GALNT13: variants seen among roughly 807,000 people sequenced by gnomAD.
GALNT13 encodes the protein UDP-GalNAc:polypeptide N-acetylgalactosaminyltransferase 13.
In GALNT13, 28 loss-of-function variants were observed where a neutral mutation model predicts 64.2. That is an observed-to-expected ratio of 0.44 (90% confidence interval 0.32 to 0.60). GALNT13 has a LOEUF of 0.60. Ranked by LOEUF, GALNT13 falls within the 20% of genes least tolerant of loss-of-function variation. The probability of loss-of-function intolerance (pLI) is 0.05; values close to 1 mark genes in which losing one functional copy is unlikely to be tolerated. For missense variants in GALNT13, 577 were observed against 669.8 expected (o/e 0.86, Z 1.53); for synonymous variants, 214 against 224.6 (o/e 0.95, Z 0.42).
At chr2:154,160,751 G>A (rs1408700330) in intron 4 of GALNT13, among the ~76,000 whole-genome samples, 1 of 152,156 alleles carries the variant, frequency 6.6e-6, no homozygotes, top group Non-Finnish European at 1.5e-5. Context: ...TAAGAGATAA[G>A]AAGCACACTT....
intron 9 of GALNT13, among the ~76,000 whole-genome samples, chr2:154,350,141 C>A (rs1696311244): frequency 6.6e-6 from 1 of 152,178 alleles, no homozygotes; most frequent in Non-Finnish European, 1.5e-5. Flanking sequence ...CCATTAACTC[C>A]TGTGATGGTT....
intron 3 of GALNT13, among the ~76,000 whole-genome samples, chr2:154,010,331 C>T (rs533849518): frequency 7.9e-5 from 12 of 152,156 alleles, no homozygotes; most frequent in Non-Finnish European, 1.5e-4. Context: ...AAACCGTTTC[C>T]GTGTCTATTG....
At chr2:153,263,301 C>T in the GALNT13 span, among the ~76,000 whole-genome samples, 110 of 152,158 alleles carry the variant, frequency 7.2e-4, no homozygotes, top group African/African-American at 2.5e-3. Flanking sequence ...AGAGAAAACA[C>T]AAACAAATGG....
the GALNT13 span, among the ~76,000 whole-genome samples, chr2:153,610,919 C>A: frequency 6.6e-6 from 1 of 151,900 alleles, no homozygotes; most frequent in Non-Finnish European, 1.5e-5. Context: ...TAAAGTCCAA[C>A]TAATAATTTC....
chr2:154,030,176 G>C (rs1698249466), intron 3 of GALNT13, among the ~76,000 whole-genome samples: 1 of 151,884 alleles, frequency 6.6e-6, no homozygotes, highest in Non-Finnish European at 1.5e-5. Flanking sequence ...AAATCAATGA[G>C]AGACACCAAA....
At chr2:153,672,130 T>C in the GALNT13 span, among the ~76,000 whole-genome samples, 3 of 152,230 alleles carry the variant, frequency 2.0e-5, no homozygotes, top group South Asian at 6.2e-4. Flanking sequence ...ACTGTCAATA[T>C]TAGACAGATC....
At chr2:154,147,977 T>C (rs565770162) in intron 4 of GALNT13, among the ~76,000 whole-genome samples, 1 of 151,974 alleles carries the variant, frequency 6.6e-6, no homozygotes, top group Non-Finnish European at 1.5e-5. Context: ...TGCAGGTTAG[T>C]TACATATGTA....
At chr2:153,890,920 C>T (rs760750315) in intron 1 of GALNT13, among the ~76,000 whole-genome samples, 9 of 151,914 alleles carry the variant, frequency 5.9e-5, no homozygotes, top group Non-Finnish European at 1.0e-4. Context: ...ACTGTGGTTC[C>T]CCTTGAAATG....
intron 12 of GALNT13, among the ~76,000 whole-genome samples, chr2:154,439,469 T>G (rs1160779142): frequency 6.6e-6 from 1 of 152,104 alleles, no homozygotes; most frequent in Non-Finnish European, 1.5e-5. Context: ...GTGTTACATT[T>G]CCCACATTAT....
the GALNT13 span, among the ~76,000 whole-genome samples, chr2:153,656,312 A>C: frequency 9.5e-6 from 1 of 105,018 alleles, no homozygotes; most frequent in Non-Finnish European, 2.0e-5. Flanking sequence ...TGGTTGACTT[A>C]AAGAAGTGTG....
chr2:153,481,046 G>A, the GALNT13 span, among the ~76,000 whole-genome samples: 6 of 152,108 alleles, frequency 3.9e-5, no homozygotes, highest in African/African-American at 1.4e-4. Context: ...AAATCTTTGG[G>A]TGGGATCTTT....
the GALNT13 span, among the ~76,000 whole-genome samples, chr2:153,625,884 A>T: frequency 6.6e-6 from 1 of 152,044 alleles, no homozygotes; most frequent in Non-Finnish European, 1.5e-5. Flanking sequence ...ATGTAATACA[A>T]GTGAGAAATG....
At chr2:154,349,787 T>A (rs940167169) in intron 9 of GALNT13, among the ~76,000 whole-genome samples, 2 of 152,132 alleles carry the variant, frequency 1.3e-5, no homozygotes, top group African/African-American at 4.8e-5. Flanking sequence ...GATAAATAAG[T>A]GCCATTCAGG....
the GALNT13 span, among the ~76,000 whole-genome samples, chr2:153,777,442 C>A: frequency 6.6e-6 from 1 of 152,084 alleles, no homozygotes; most frequent in Admixed American, 6.6e-5. Context: ...ATCACCAATG[C>A]GATAGTTTAA....
chr2:153,550,801 A>G, the GALNT13 span, among the ~76,000 whole-genome samples: 1 of 152,240 alleles, frequency 6.6e-6, no homozygotes, highest in Admixed American at 6.5e-5. Flanking sequence ...TTAAATAGTG[A>G]TTCATTTCAT....
chr2:153,470,933 A>G, the GALNT13 span, among the ~76,000 whole-genome samples: 1 of 152,192 alleles, frequency 6.6e-6, no homozygotes, highest in South Asian at 2.1e-4. Flanking sequence ...ATTTGTAGAA[A>G]ATTATAAGTA....
chr2:154,185,690 T>C (rs1244333391), intron 4 of GALNT13, among the ~76,000 whole-genome samples: 1 of 151,888 alleles, frequency 6.6e-6, no homozygotes. Context: ...AGAATTTCTA[T>C]TTTTTTATAA....
chr2:154,055,898 C>T (rs993159169), intron 3 of GALNT13, among the ~76,000 whole-genome samples: 7 of 152,056 alleles, frequency 4.6e-5, no homozygotes, highest in Non-Finnish European at 1.0e-4. Context: ...CAGAGTATAA[C>T]TGTCTCCTGG....
At chr2:153,881,823 A>G (rs551896127) in intron 1 of GALNT13, among the ~76,000 whole-genome samples, 36 of 152,270 alleles carry the variant, frequency 2.4e-4, no homozygotes, top group African/African-American at 7.5e-4. Context: ...AGTAGTATCA[A>G]TTTTACCCTG....
Sources: allele counts gnomAD v4.1 joint callset (sites outside exome capture counted in the v4.1 genomes callset), GRCh38; gene constraint gnomAD v4.1.1; transcripts MANE v1.5; gene names NCBI Gene and HGNC (gene_info 2026-07-23, HGNC 2026-07-21).